GBF1: variants seen among roughly 807,000 people sequenced by gnomAD.
GBF1 encodes Golgi-specific brefeldin A-resistance guanine nucleotide exchange factor 1.
Under a neutral mutation model 210.5 loss-of-function variants are expected in GBF1, and 114 were observed. The ratio of observed to expected loss-of-function variants is 0.54; its 90% CI spans 0.47 to 0.63. The LOEUF (loss-of-function observed/expected upper bound fraction) is 0.63, where lower values mean the gene tolerates loss of function less well. Ranked by LOEUF, GBF1 falls within the 30% of genes least tolerant of loss-of-function variation. The pLI, the probability that GBF1 is intolerant of heterozygous loss-of-function variation, is 0.00. For missense variants in GBF1, 1,851 were observed against 2,357.7 expected (o/e 0.79, Z 4.45); for synonymous variants, 850 against 889.2 (o/e 0.96, Z 0.78).
chr10:102,272,400 C>T (rs752213503), intron 3 of GBF1, among the ~76,000 whole-genome samples: 3 of 152,212 alleles, frequency 2.0e-5, no homozygotes, highest in Non-Finnish European at 2.9e-5. Context: ...CCACTGCACC[C>T]GGCCGCAATT....
Position 102,358,115 on chromosome 10 carries a change from A to G in GBF1, c.716A>G (p.His239Arg), listed in dbSNP as rs763831156. 48 of 1,612,702 alleles carry G rather than the reference A, an allele frequency of 3.0e-5. No homozygotes were observed. Among genetic ancestry groups the G allele is most frequent in the Non-Finnish European group, 3.8e-5 (45 of 1,178,672 alleles). ...AAGAGATCCCCTCGGCCCCCACGCC[A>G]TATGACCAAAGTCACACCAGGTTCA... Reference protein sequence around the residue: ...KQKRSPRPPRHMTKVTPGSEL... With the variant: ...KQKRSPRPPRRMTKVTPGSEL... The change falls in exon 9 of 40, where the codon CAT becomes CGT. Residue 239 changes from histidine (H) to arginine (R), a missense_variant. His to Arg is a conservative substitution (Grantham distance 29). Around this residue, in one of 3 missense-constraint regions of GBF1, gnomAD observed 804 missense variants for 958.6 expected, o/e 0.84. Coordinates refer to ENST00000369983, the MANE Select transcript of GBF1 (RefSeq NM_001377137.1).
chr10:102,369,935 C>A lies in GBF1; in HGVS notation c.3290C>A (p.Pro1097Gln). The part of the protein sequence containing the change: ...SGPEQSSVRG[P>Q]STENQEAKRV... ...CCTGAGCAGTCTAGTGTTCGGGGCC[C>A]ATCCACTGAAAACCAAGAGGCCAAG... The change falls in exon 26 of 40, where the codon CCA becomes CAA. Residue 1097 changes from proline to glutamine, a missense_variant. By Grantham distance (76) the Pro-to-Gln change is moderately conservative. This residue lies in a region of GBF1 where 967 missense variants were observed against 1,247.7 expected (regional missense o/e 0.78). Coordinates refer to ENST00000369983, the MANE Select transcript of GBF1 (RefSeq NM_001377137.1). 1 of 1,614,066 alleles carries A rather than the reference C, an allele frequency of 6.2e-7. No homozygotes were observed. Among genetic ancestry groups the A allele is most frequent in the South Asian group, 1.1e-5 (1 of 91,080 alleles).
chr10:102,360,131 C>A, intron 11 of GBF1, 53 bp from the exon 12 acceptor site: 1 of 1,162,890 alleles, frequency 8.6e-7, no homozygotes, highest in Non-Finnish European at 1.3e-6. Context: ...CTAGGCAAAG[C>A]CAGCAGACTA....
chr10:102,296,168 A>G lies in GBF1; in HGVS notation c.163+36052A>G, dbSNP rs887162639. The stretch of plus-strand genomic sequence containing the variant: ...CACAGAAGAAACTAAAACTTAAACC[A>G]AGGTCACATAGCTTATCAGGGGGAA... On this transcript the variant is annotated intron_variant, in intron 3 of 39. Coordinates refer to ENST00000369983, the MANE Select transcript of GBF1 (RefSeq NM_001377137.1). 6.5e-4 allele frequency among the ~76,000 whole-genome samples: 99 copies of G among 152,192 alleles called. 2 individuals are homozygous for G. Among genetic ancestry groups the G allele is most frequent in the Admixed American group, 6.4e-3 (98 of 15,284 alleles).
chr10:102,374,118 G>T (rs997269550), intron 29 of GBF1, among the ~76,000 whole-genome samples: 2 of 152,216 alleles, frequency 1.3e-5, no homozygotes, highest in Non-Finnish European at 2.9e-5. Context: ...GGGAAACTGA[G>T]GCTGGTGAAT....
chr10:102,364,164 C>T (rs1175460888), intron 17 of GBF1, among the ~76,000 whole-genome samples: 7 of 144,334 alleles, frequency 4.8e-5, no homozygotes, highest in African/African-American at 1.8e-4. Flanking sequence ...CATTCTGGTG[C>T]TTTAGTAAGG....
chr10:102,339,437 C>T (rs938626094), intron 3 of GBF1, among the ~76,000 whole-genome samples: 11 of 151,158 alleles, frequency 7.3e-5, no homozygotes, highest in East Asian at 5.9e-4. Context: ...GAGGCTGAGG[C>T]GGACAGATCA....
At chr10:102,365,269 A>G (rs2059849675) in intron 17 of GBF1, 128 bp from the exon 18 acceptor site, 2 of 664,718 alleles carry the variant, frequency 3.0e-6, no homozygotes, top group Non-Finnish European at 5.3e-6. Context: ...TAGTTCTGTA[A>G]TCACTAAGAA....
Position 102,353,593 on chromosome 10 carries a change from C to T in GBF1, c.585-7C>T, listed in dbSNP as rs1271384868. ...TAATGACAGTTGATGGATTTTCTAT[C>T]TTATAGGTTACCTCAGTTTAAAGAA... On this transcript the variant is annotated splice_region_variant and splice_polypyrimidine_tract_variant and intron_variant, in intron 7 of 39. Coordinates refer to ENST00000369983, the MANE Select transcript of GBF1 (RefSeq NM_001377137.1). 1.9e-6 allele frequency: 3 copies of T among 1,589,634 alleles called. No homozygotes were observed. The highest frequency in any genetic ancestry group is 2.6e-6 in the Non-Finnish European group (3 of 1,157,716).
chr10:102,291,204 AAAT>A, intron 3 of GBF1, among the ~76,000 whole-genome samples: 1 of 151,050 alleles, frequency 6.6e-6, no homozygotes, highest in South Asian at 2.1e-4. Context: ...TGTTTGTTTT[AAAT>A]AATACCCAGA....
chr10:102,287,742 C>T (rs2076083820), intron 3 of GBF1, among the ~76,000 whole-genome samples: 1 of 152,204 alleles, frequency 6.6e-6, no homozygotes, highest in African/African-American at 2.4e-5. Context: ...GCAGAAGCCA[C>T]ACTTTGTTTT....
At chr10:102,290,705 A>G (rs988969493) in intron 3 of GBF1, among the ~76,000 whole-genome samples, 3 of 152,060 alleles carry the variant, frequency 2.0e-5, no homozygotes, top group Non-Finnish European at 4.4e-5. Context: ...GGTTTTTGCC[A>G]TGTTTCCCAG....
intron 1 of GBF1, among the ~76,000 whole-genome samples, chr10:102,250,963 A>T (rs1445439913): frequency 6.6e-6 from 1 of 151,308 alleles, no homozygotes; most frequent in African/African-American, 2.4e-5. Flanking sequence ...GTCTCAAAAC[A>T]AACAACCAAA....
intron 1 of GBF1, among the ~76,000 whole-genome samples, chr10:102,253,485 G>A (rs922368812): frequency 2.6e-5 from 4 of 152,084 alleles, no homozygotes; most frequent in Admixed American, 1.3e-4. Flanking sequence ...ATACATACCA[G>A]CCACTTGGTC....
In GBF1 at chr10:102,375,393, A is replaced by G. The variant is rs754400856; in HGVS notation, c.3695A>G (p.Lys1232Arg). The G allele has an allele frequency of 1.9e-6, 3 of 1,613,552 alleles. No individual in the cohort carries two copies. The highest frequency in any genetic ancestry group is 2.5e-6 in the Non-Finnish European group (3 of 1,179,554). The change falls in exon 30 of 40, where the codon AAG (lysine) becomes AGG (arginine). Residue 1232 changes from lysine (K) to arginine (R), a missense_variant. Physicochemically the swap from Lys to Arg is conservative, Grantham distance 26. Transcript: ENST00000369983. ...TCCCTGCGCATTTTGCTACTGATGA[A>G]GCCCAGTGTGCTATCCCGAGTCAGC... is the stretch of plus-strand genomic sequence containing the variant. ...LLSLRILLLM[K>R]PSVLSRVSHQ...
At position 102,351,853 on chromosome 10, in the gene GBF1, C is replaced by T; in HGVS notation, c.425C>T (p.Thr142Ile). 1 of 1,586,576 alleles carries T rather than the reference C, an allele frequency of 6.3e-7. No homozygotes were observed. The highest frequency in any genetic ancestry group is 8.7e-7 in the Non-Finnish European group (1 of 1,154,930). Reference protein sequence around the residue: ...VLMKILQVLRTLLLTPVGAHL... With the variant: ...VLMKILQVLRILLLTPVGAHL... ...TTTTCTTCCTGATAGGTTCTACGGA[C>T]TCTGCTGCTAACCCCAGTGGGTGCC... Residue 142 changes from threonine to isoleucine, a missense_variant, in exon 6 of 40, where the codon ACT (threonine) becomes ATT (isoleucine). Thr to Ile is a moderately conservative substitution (Grantham distance 89). This residue lies in a region of GBF1 where 804 missense variants were observed against 958.6 expected (regional missense o/e 0.84). Coordinates refer to ENST00000369983, the MANE Select transcript of GBF1 (RefSeq NM_001377137.1).
At chr10:102,331,950 C>G (rs752206432) in intron 3 of GBF1, among the ~76,000 whole-genome samples, 2 of 149,714 alleles carry the variant, frequency 1.3e-5, no homozygotes, top group Non-Finnish European at 3.0e-5. Flanking sequence ...ACCTTTGCCT[C>G]CTGGGTTCAA....
intron 3 of GBF1, among the ~76,000 whole-genome samples, chr10:102,287,656 C>T (rs2076074192): frequency 6.6e-6 from 1 of 152,148 alleles, no homozygotes; most frequent in South Asian, 2.1e-4. Flanking sequence ...CTCAGTTCCT[C>T]ACAATGTGGG....
At chr10:102,298,466 T>C (rs139604497) in intron 3 of GBF1, among the ~76,000 whole-genome samples, 1 of 152,372 alleles carries the variant, frequency 6.6e-6, no homozygotes, top group Non-Finnish European at 1.5e-5. Context: ...ATGACATTAG[T>C]TCTACTTTTA....
Sources: allele counts gnomAD v4.1 joint callset (sites outside exome capture counted in the v4.1 genomes callset), GRCh38; gene constraint gnomAD v4.1.1; regional missense constraint gnomAD v4.1.1; transcripts MANE v1.5; gene names NCBI Gene and HGNC (gene_info 2026-07-23, HGNC 2026-07-21).